PPTC7: variants seen among roughly 807,000 people sequenced by gnomAD.
PPTC7 encodes the protein protein phosphatase targeting COQ7.
Under a neutral mutation model 30.8 loss-of-function variants are expected in PPTC7, and 6 were observed. The ratio of observed to expected loss-of-function variants is 0.19; its 90% CI spans 0.11 to 0.38. The LOEUF is 0.38. Among genes scored for constraint, PPTC7 ranks in the 10% least tolerant of loss-of-function variants. The pLI, the probability that PPTC7 is intolerant of heterozygous loss-of-function variation, is 1.00. For missense variants in PPTC7, 218 were observed against 404.8 expected (o/e 0.54, Z 3.96); for synonymous variants, 163 against 168.1 (o/e 0.97, Z 0.23).
chr12:110,574,987 G>A (rs571630917), intron 1 of PPTC7, among the ~76,000 whole-genome samples: 95 of 140,636 alleles, frequency 6.8e-4, no homozygotes, highest in Non-Finnish European at 1.3e-3. Context: ...ATGGGGTTTC[G>A]TCATATTGGC....
At chr12:110,579,091 G>C (rs1176159581) in intron 1 of PPTC7, among the ~76,000 whole-genome samples, 4 of 152,044 alleles carry the variant, frequency 2.6e-5, no homozygotes, top group Admixed American at 2.6e-4. Flanking sequence ...AGAGGTTGCA[G>C]CGAGCCAAAA....
At chr12:110,550,543 T>C (rs1043551051) in intron 2 of PPTC7, among the ~76,000 whole-genome samples, 1 of 152,038 alleles carries the variant, frequency 6.6e-6, no homozygotes, top group African/African-American at 2.4e-5. Flanking sequence ...CAGGGGCTGA[T>C]TTTAAATGTC....
chr12:110,564,753 TAC>T (rs922276048), intron 1 of PPTC7, among the ~76,000 whole-genome samples: 7 of 149,806 alleles, frequency 4.7e-5, no homozygotes, highest in Non-Finnish European at 1.0e-4. Context: ...CTAATTTATA[TAC>T]ACATATATAT....
chr12:110,543,778 G>A (rs1043190580), intron 3 of PPTC7, among the ~76,000 whole-genome samples: 1 of 152,136 alleles, frequency 6.6e-6, no homozygotes, highest in Non-Finnish European at 1.5e-5. Context: ...ACTTTTGACC[G>A]CACTGAAACA....
In PPTC7 at chr12:110,583,068, G is replaced by C; in HGVS notation, c.-37C>G. 7.4e-7 allele frequency: 1 copy of C among 1,346,938 alleles called. No individual in the cohort carries two copies. The highest frequency in any genetic ancestry group is 9.5e-7 in the Non-Finnish European group (1 of 1,056,528). 83.4% of individuals were successfully genotyped at this position (1,346,938 alleles called of 1,614,324 possible). Reference sequence around the variant, plus strand: ...CCCCCCCGAGGAGGCGGGGGGCCGGGGGAGCAGGAGGACGCGGAGGCCCGG... The same window carrying C: ...CCCCCCCGAGGAGGCGGGGGGCCGGCGGAGCAGGAGGACGCGGAGGCCCGG... On this transcript the variant is annotated 5_prime_UTR_variant, in exon 1 of 6. Transcript: ENST00000354300.
At chr12:110,573,791 G>T (rs916133709) in intron 1 of PPTC7, among the ~76,000 whole-genome samples, 2 of 152,004 alleles carry the variant, frequency 1.3e-5, no homozygotes, top group African/African-American at 4.8e-5. Flanking sequence ...AGACCAGCCT[G>T]ACCAACATGG....
rs202025048 is a variant in PPTC7 at position 110,571,022 on chromosome 12, G to A, written c.223+11787C>T. 3.9e-5 allele frequency among the ~76,000 whole-genome samples: 6 copies of A among 152,376 alleles called. No individual in the cohort carries two copies. The South Asian group carries it at 8.3e-4, about 21-fold the overall frequency. ...ACCCCTACATCTGGCGCCCAACGTG[G>A]GGCTTTTCTCTAGGGTGAAGGTACG... On this transcript the variant is annotated intron_variant, in intron 1 of 5. Coordinates refer to ENST00000354300, the MANE Select transcript of PPTC7 (RefSeq NM_139283.2).
intron 1 of PPTC7, among the ~76,000 whole-genome samples, chr12:110,577,337 A>G (rs1385031498): frequency 7.4e-6 from 1 of 135,474 alleles, no homozygotes; most frequent in Non-Finnish European, 1.7e-5. Context: ...TAATATAATG[A>G]GAGTGGTGTC....
chr12:110,538,358 T>G, intron 4 of PPTC7, 85 bp from the exon 5 acceptor site: 1 of 1,321,314 alleles, frequency 7.6e-7, no homozygotes, highest in Non-Finnish European at 1.1e-6. Flanking sequence ...CATGTAAGTT[T>G]TATTCTAGTT....
rs145257239 is a variant in PPTC7, at chr12:110,558,922, A to G, written c.224-6954T>C. Among the ~76,000 whole-genome samples the G allele has an allele frequency of 1.2e-3, 186 of 152,296 alleles. 1 individual carries two copies. In the East Asian group the frequency reaches 0.013, roughly 11 times the overall value. ...TGCCCAGGCTAGTTTTATCTTTTCA[A>G]TGGAAATGTCAGTTTTATGAAGCAA... On this transcript the variant is annotated intron_variant, in intron 1 of 5. Coordinates refer to ENST00000354300, the MANE Select transcript of PPTC7 (RefSeq NM_139283.2).
intron 1 of PPTC7, among the ~76,000 whole-genome samples, chr12:110,572,936 G>A (rs549681416): frequency 1.8e-4 from 28 of 152,214 alleles, no homozygotes; most frequent in Non-Finnish European, 2.6e-4. Flanking sequence ...CTGGAGTGCA[G>A]TGGCATGATC....
rs112707998 is a variant in PPTC7 at position 110,534,947 on chromosome 12, A to C, written c.*2090T>G. On this transcript the variant is annotated 3_prime_UTR_variant, in exon 6 of 6. Transcript: ENST00000354300. ...TGGAAAATGAATGCAAAATATATCC[A>C]GATCATAAGGCTACATACTCTTACC... 24 of 152,796 alleles carry C rather than the reference A, an allele frequency of 1.6e-4. No individual in the cohort carries two copies. Among genetic ancestry groups the C allele is most frequent in the African/African-American group, 5.8e-4 (24 of 41,584 alleles). 9.5% of individuals were successfully genotyped at this position (152,796 alleles called of 1,614,324 possible).
chr12:110,565,828 G>T (rs1168032583), intron 1 of PPTC7, among the ~76,000 whole-genome samples: 1 of 152,118 alleles, frequency 6.6e-6, no homozygotes, highest in African/African-American at 2.4e-5. Flanking sequence ...CAAGATATAT[G>T]ACTATAATAA....
intron 3 of PPTC7, among the ~76,000 whole-genome samples, chr12:110,544,171 T>A (rs910987217): frequency 6.6e-6 from 1 of 152,208 alleles, no homozygotes. Flanking sequence ...TGACCATAAT[T>A]GGAAGAATAT....
chr12:110,582,955 G>GA lies in PPTC7; in HGVS notation c.76_77insT (p.Ala26ValfsTer24), dbSNP rs773773443. 45 of 1,532,098 alleles carry GA rather than the reference G, an allele frequency of 2.9e-5. No homozygotes were observed. In the South Asian group the frequency reaches 5.3e-4, roughly 18 times the overall value. 94.9% of individuals were successfully genotyped at this position (1,532,098 alleles called of 1,614,324 possible). On this transcript the variant is annotated frameshift_variant, in exon 1 of 6. Transcript: ENST00000354300. LOFTEE classifies it high-confidence loss of function. ...GTAGTCGCCGCCGCCGCCGCCGCCGGCCCTGGGGTCGGTCTGCGAGAGGCC... is the reference window on the plus strand; with the variant it reads ...GTAGTCGCCGCCGCCGCCGCCGCCGGACCCTGGGGTCGGTCTGCGAGAGGCC...
At chr12:110,552,998 A>AT (rs887919716) in intron 1 of PPTC7, among the ~76,000 whole-genome samples, 1 of 151,660 alleles carries the variant, frequency 6.6e-6, no homozygotes, top group Non-Finnish European at 1.5e-5. Context: ...CCTGACCAAC[A>AT]TGGTGAAACC....
chr12:110,566,336 C>G (rs762163206), intron 1 of PPTC7, among the ~76,000 whole-genome samples: 26 of 152,180 alleles, frequency 1.7e-4, no homozygotes, highest in Non-Finnish European at 3.4e-4. Flanking sequence ...AAAAGAAAAT[C>G]TAAAATGATC....
intron 1 of PPTC7, among the ~76,000 whole-genome samples, chr12:110,556,417 G>A (rs1008423239): frequency 2.0e-4 from 31 of 152,148 alleles, no homozygotes; most frequent in African/African-American, 7.2e-4. Context: ...CCTACTACAC[G>A]TACATATGAA....
At chr12:110,568,191 G>A (rs2064501120) in intron 1 of PPTC7, among the ~76,000 whole-genome samples, 1 of 151,214 alleles carries the variant, frequency 6.6e-6, no homozygotes, top group Non-Finnish European at 1.5e-5. Context: ...CTTCTCATTT[G>A]CCTCAGCTTA....
Sources: allele counts gnomAD v4.1 joint callset (sites outside exome capture counted in the v4.1 genomes callset), GRCh38; gene constraint gnomAD v4.1.1; transcripts MANE v1.5; gene names NCBI Gene and HGNC (gene_info 2026-07-23, HGNC 2026-07-21).